ASTN2: variants seen among roughly 807,000 people sequenced by gnomAD.
ASTN2 encodes the protein astrotactin-2.
A neutral mutation model predicts 139.8 loss-of-function variants in ASTN2; 54 were observed. That is an observed-to-expected ratio of 0.39 (90% CI 0.31 to 0.48). ASTN2 has a LOEUF of 0.48. Ranked by LOEUF, ASTN2 falls within the 20% of genes least tolerant of loss-of-function variation. ASTN2 has a pLI of 0.95. For missense variants in ASTN2, 1,565 were observed against 1,725.1 expected, an observed-to-expected ratio of 0.91 and a Z score of 1.64; for synonymous variants, 756 against 719.5, an observed-to-expected ratio of 1.05 and a Z score of -0.81.
chr9:116,780,388 G>A (rs555626264), intron 13 of ASTN2, among the ~76,000 whole-genome samples: 10 of 152,256 alleles, frequency 6.6e-5, no homozygotes, highest in East Asian at 3.9e-4. Flanking sequence ...AAGTCTAGGC[G>A]TTCTCATTCT....
chr9:117,299,138 C>G (rs1038527515), intron 1 of ASTN2, among the ~76,000 whole-genome samples: 2 of 152,036 alleles, frequency 1.3e-5, no homozygotes, highest in Non-Finnish European at 2.9e-5. Flanking sequence ...TGTGTATAAA[C>G]AGCTGGAAAA....
chr9:116,585,484 G>C (rs533500308), intron 19 of ASTN2: 6 of 152,166 alleles, frequency 3.9e-5, no homozygotes, highest in African/African-American at 1.4e-4. Context: ...TAAACCAATG[G>C]AACAGAATAG....
At chr9:116,691,518 T>C (rs577555648) in intron 16 of ASTN2, among the ~76,000 whole-genome samples, 25 of 152,360 alleles carry the variant, frequency 1.6e-4, no homozygotes, top group African/African-American at 5.3e-4. Context: ...AGTTTAGCTA[T>C]GTTTAACTTA....
intron 17 of ASTN2, among the ~76,000 whole-genome samples, chr9:116,641,831 A>T (rs1296533681): frequency 1.3e-5 from 2 of 151,992 alleles, no homozygotes; most frequent in Non-Finnish European, 2.9e-5. Flanking sequence ...TAATATGTGG[A>T]TTACTTCTCC....
intron 1 of ASTN2, among the ~76,000 whole-genome samples, chr9:117,348,369 C>T (rs1046710110): frequency 6.6e-6 from 1 of 152,194 alleles, no homozygotes; most frequent in Non-Finnish European, 1.5e-5. Context: ...CATTCTTAGT[C>T]TGCATAGACA....
chr9:116,707,832 G>C (rs1434366411), intron 16 of ASTN2, among the ~76,000 whole-genome samples: 2 of 152,078 alleles, frequency 1.3e-5, no homozygotes, highest in African/African-American at 4.8e-5. Context: ...TTTAAACAAA[G>C]TACCCCTATA....
At chr9:116,925,322 CT>C (rs1588415953) in intron 10 of ASTN2, among the ~76,000 whole-genome samples, 2 of 152,134 alleles carry the variant, frequency 1.3e-5, no homozygotes, top group East Asian at 3.9e-4. Context: ...TCTTGAGAAC[CT>C]TATGAGGAGG....
chr9:117,040,545 G>A (rs1010845371), intron 5 of ASTN2, among the ~76,000 whole-genome samples: 3 of 152,108 alleles, frequency 2.0e-5, no homozygotes, highest in South Asian at 2.1e-4. Context: ...TGTAACCTCC[G>A]CCACACGGGT....
rs182335939 is a variant in ASTN2 at position 116,523,300 on chromosome 9, G to A, written c.3356-35800C>T. ...ATCAAAAGCAGACACAGGAGAACTC[G>A]AACTTGCTCTGGAGATGATTTAAAC... On this transcript the variant is annotated intron_variant, in intron 19 of 22. Transcript: ENST00000313400. Among the ~76,000 whole-genome samples the A allele has an allele frequency of 2.9e-3, 444 of 151,870 alleles. 3 individuals carry two copies. Among genetic ancestry groups the A allele is most frequent in the African/African-American group, 0.01 (424 of 41,394 alleles).
At chr9:116,522,468 G>T (rs1461067774) in intron 19 of ASTN2, among the ~76,000 whole-genome samples, 1 of 152,102 alleles carries the variant, frequency 6.6e-6, no homozygotes, top group East Asian at 1.9e-4. Context: ...AAGCTATGAG[G>T]TTGCAAAGGC....
At chr9:117,067,907 G>A (rs1229592892) in intron 5 of ASTN2, among the ~76,000 whole-genome samples, 1 of 122,312 alleles carries the variant, frequency 8.2e-6, no homozygotes, top group East Asian at 2.4e-4. Flanking sequence ...GAGATTTTGG[G>A]CTGAGACAGT....
intron 19 of ASTN2, among the ~76,000 whole-genome samples, chr9:116,592,151 T>C (rs770539056): frequency 6.6e-6 from 1 of 152,192 alleles, no homozygotes; most frequent in Non-Finnish European, 1.5e-5. Flanking sequence ...AATCACTTCA[T>C]TCATGTGGAT....
chr9:116,442,057 G>C (rs1252677391), intron 21 of ASTN2, among the ~76,000 whole-genome samples: 2 of 152,280 alleles, frequency 1.3e-5, no homozygotes, highest in South Asian at 2.1e-4. Flanking sequence ...AAGGTGAAAT[G>C]GTTTTCTAGG....
At chr9:116,771,405 C>T (rs191446120) in intron 13 of ASTN2, among the ~76,000 whole-genome samples, 1 of 152,306 alleles carries the variant, frequency 6.6e-6, no homozygotes, top group East Asian at 1.9e-4. Flanking sequence ...ACATAAAGCA[C>T]ATGGCACATA....
At chr9:116,564,504 C>G (rs1853084834) in intron 19 of ASTN2, among the ~76,000 whole-genome samples, 1 of 152,180 alleles carries the variant, frequency 6.6e-6, no homozygotes, top group Non-Finnish European at 1.5e-5. Context: ...GTAACAAAGT[C>G]TACTGCAAGG....
chr9:116,911,143 G>A (rs1032148050), intron 10 of ASTN2, among the ~76,000 whole-genome samples: 2 of 152,134 alleles, frequency 1.3e-5, no homozygotes, highest in African/African-American at 2.4e-5. Context: ...ATCTTCATTC[G>A]CAAGCGAGTA....
chr9:116,777,356 G>A (rs916277998), intron 13 of ASTN2, among the ~76,000 whole-genome samples: 1 of 152,082 alleles, frequency 6.6e-6, no homozygotes, highest in Admixed American at 6.6e-5. Flanking sequence ...CTCACCCTCT[G>A]CTCCATTATT....
At chr9:116,450,954 C>T (rs891146079) in intron 20 of ASTN2, among the ~76,000 whole-genome samples, 2 of 152,196 alleles carry the variant, frequency 1.3e-5, no homozygotes, top group Admixed American at 1.3e-4. Flanking sequence ...ATTAGGAGGT[C>T]CTGGCTTAGA....
chr9:117,129,782 T>C (rs1444672868), intron 4 of ASTN2, among the ~76,000 whole-genome samples: 2 of 152,166 alleles, frequency 1.3e-5, no homozygotes, highest in East Asian at 3.9e-4. Flanking sequence ...AGTAAATGGT[T>C]TCTTTTTTGG....
Sources: allele counts gnomAD v4.1 joint callset (sites outside exome capture counted in the v4.1 genomes callset), GRCh38; gene constraint gnomAD v4.1.1; transcripts MANE v1.5; gene names NCBI Gene and HGNC (gene_info 2026-07-23, HGNC 2026-07-21).